Variants in SHISA6 observed in about 807,000 individuals in gnomAD.
SHISA6 encodes the protein shisa family member 6, also known as protein shisa-6.
SHISA6 carries 22 observed loss-of-function variants against 47.9 expected under a neutral mutation model. The observed-to-expected ratio is 0.46, with a 90% CI of 0.33 to 0.66. The LOEUF is 0.66. Among genes scored for constraint, SHISA6 ranks in the 30% least tolerant of loss-of-function variants. The probability of loss-of-function intolerance (pLI) is 0.02; values close to 1 mark genes in which losing one functional copy is unlikely to be tolerated. For missense variants in SHISA6, 680 were observed against 764.6 expected, an observed-to-expected ratio of 0.89 and a Z score of 1.30; for synonymous variants, 388 against 337.8, an observed-to-expected ratio of 1.15 and a Z score of -1.63.
intron 3 of SHISA6, among the ~76,000 whole-genome samples, chr17:11,522,211 C>T (rs866576861): frequency 2.6e-5 from 4 of 152,018 alleles, no homozygotes; most frequent in Non-Finnish European, 5.9e-5. Context: ...GTGATCCACC[C>T]GCCTCAGCCT....
rs117629593 is a variant in SHISA6 at position 11,522,420 on chromosome 17, C to T, written c.896-29476C>T. Among the ~76,000 whole-genome samples the T allele has an allele frequency of 6.5e-3, 993 of 152,232 alleles. 12 individuals carry two copies. The highest frequency in any genetic ancestry group is 8.7e-3 in the Non-Finnish European group (593 of 68,026). On this transcript the variant is annotated intron_variant, in intron 3 of 5. Coordinates refer to ENST00000441885, the MANE Select transcript of SHISA6 (RefSeq NM_207386.4). Reference sequence around the variant, plus strand: ...CTGGGACTACAGACACGCAACAGCACGCCTGGGTATTTGGTTTTTTAATTT... The same window carrying T: ...CTGGGACTACAGACACGCAACAGCATGCCTGGGTATTTGGTTTTTTAATTT...
intron 2 of SHISA6, among the ~76,000 whole-genome samples, chr17:11,355,078 A>G (rs908071422): frequency 6.6e-6 from 1 of 152,264 alleles, no homozygotes; most frequent in Non-Finnish European, 1.5e-5. Flanking sequence ...GCACTTTACT[A>G]TTCACATGAG....
At chr17:11,479,079 C>CT (rs543055751) in intron 3 of SHISA6, among the ~76,000 whole-genome samples, 3 of 151,592 alleles carry the variant, frequency 2.0e-5, no homozygotes, top group Non-Finnish European at 2.9e-5. Flanking sequence ...TTTTAAAAAC[C>CT]TTTTTTTTAA....
chr17:11,378,134 T>G (rs1434360701), intron 2 of SHISA6, among the ~76,000 whole-genome samples: 1 of 152,218 alleles, frequency 6.6e-6, no homozygotes, highest in Non-Finnish European at 1.5e-5. Context: ...AATCACGCTT[T>G]GTGTTGTCTT....
intron 2 of SHISA6, among the ~76,000 whole-genome samples, chr17:11,357,458 C>T (rs773848558): frequency 2.0e-5 from 3 of 152,156 alleles, no homozygotes; most frequent in Non-Finnish European, 4.4e-5. Flanking sequence ...ACTCATATTA[C>T]ATCCCAAAAA....
At chr17:11,369,250 T>G (rs1377847769) in intron 2 of SHISA6, among the ~76,000 whole-genome samples, 1 of 152,194 alleles carries the variant, frequency 6.6e-6, no homozygotes, top group Non-Finnish European at 1.5e-5. Context: ...CACAGCTTAG[T>G]CACTTTGTGA....
intron 3 of SHISA6, among the ~76,000 whole-genome samples, chr17:11,514,196 G>A (rs187510658): frequency 1.4e-3 from 211 of 152,234 alleles, no homozygotes; most frequent in African/African-American, 3.7e-3. Flanking sequence ...ACACCATCTA[G>A]CTTGACTGTC....
At chr17:11,386,766 CG>C (rs1913209727) in intron 3 of SHISA6, among the ~76,000 whole-genome samples, 1 of 152,008 alleles carries the variant, frequency 6.6e-6, no homozygotes, top group Non-Finnish European at 1.5e-5. Context: ...ATAGGCCACA[CG>C]GCCACAGGTG....
At chr17:11,429,638 A>T (rs1914696300) in intron 3 of SHISA6, among the ~76,000 whole-genome samples, 1 of 151,490 alleles carries the variant, frequency 6.6e-6, no homozygotes, top group South Asian at 2.1e-4. Context: ...AAAAAAAAAA[A>T]AAATTAGCCA....
chr17:11,544,462 A>G (rs2071864600), intron 3 of SHISA6, among the ~76,000 whole-genome samples: 1 of 152,236 alleles, frequency 6.6e-6, no homozygotes, highest in Admixed American at 6.5e-5. Flanking sequence ...GTCCAACATC[A>G]TTAGCCATAA....
At chr17:11,499,557 A>G (rs1369952317) in intron 3 of SHISA6, among the ~76,000 whole-genome samples, 1 of 152,218 alleles carries the variant, frequency 6.6e-6, no homozygotes, top group Non-Finnish European at 1.5e-5. Context: ...TAAAGTGTTA[A>G]TGGATACTAA....
chr17:11,415,967 C>T (rs1202768255), intron 3 of SHISA6, among the ~76,000 whole-genome samples: 1 of 152,138 alleles, frequency 6.6e-6, no homozygotes, highest in East Asian at 1.9e-4. Context: ...CGAGGGATTG[C>T]TTCTTGGTTT....
At chr17:11,387,168 T>C (rs1353607915) in intron 3 of SHISA6, among the ~76,000 whole-genome samples, 2 of 152,110 alleles carry the variant, frequency 1.3e-5, no homozygotes, top group Non-Finnish European at 2.9e-5. Context: ...GCGAGCACCT[T>C]TCCAGACCCC....
intron 3 of SHISA6, among the ~76,000 whole-genome samples, chr17:11,456,003 AC>A (rs1269087670): frequency 1.6e-5 from 2 of 125,246 alleles, no homozygotes; most frequent in Admixed American, 1.6e-4. Context: ...TCTTAACAGC[AC>A]CCAGACCTGT....
chr17:11,424,765 A>T (rs1375334498), intron 3 of SHISA6, among the ~76,000 whole-genome samples: 1 of 152,026 alleles, frequency 6.6e-6, no homozygotes, highest in African/African-American at 2.4e-5. Context: ...GCACTTTGGG[A>T]GGCCGAGGCA....
At chr17:11,362,512 A>G (rs762615329) in intron 2 of SHISA6, among the ~76,000 whole-genome samples, 7 of 152,340 alleles carry the variant, frequency 4.6e-5, no homozygotes, top group Non-Finnish European at 8.8e-5. Context: ...CTTCCTTGAA[A>G]TATAATACAT....
intron 3 of SHISA6, among the ~76,000 whole-genome samples, chr17:11,403,539 C>T (rs1024462542): frequency 1.3e-5 from 2 of 152,184 alleles, no homozygotes; most frequent in Non-Finnish European, 2.9e-5. Context: ...CACATCAACA[C>T]GGGCTCTGGA....
At chr17:11,512,860 G>A (rs564766501) in intron 3 of SHISA6, among the ~76,000 whole-genome samples, 2 of 151,974 alleles carry the variant, frequency 1.3e-5, no homozygotes, top group East Asian at 3.9e-4. Flanking sequence ...ATCGTCTATT[G>A]CTTGGCATTC....
At position 11,314,521 on chromosome 17, in the gene SHISA6, G is replaced by T. The variant is rs904525158; in HGVS notation, c.799+50995G>T. Among the ~76,000 whole-genome samples the T allele has an allele frequency of 6.7e-5, 10 of 148,278 alleles. No homozygotes were observed. The East Asian group carries it at 1.4e-3, about 21-fold the overall frequency. On this transcript the variant is annotated intron_variant, in intron 2 of 5. Coordinates refer to ENST00000441885, the MANE Select transcript of SHISA6 (RefSeq NM_207386.4). ...GTGTACTTTTACGTCATTCCATACT[G>T]TTTTTTCATTTTTTTGTTTTTTTTT...
Sources: gnomAD v4.1 joint callset for allele counts (sites outside exome capture counted in the v4.1 genomes callset) on GRCh38, gnomAD v4.1.1 for gene constraint, MANE v1.5 for transcripts, NCBI Gene and HGNC (gene_info 2026-07-23, HGNC 2026-07-21) for gene names.